HORMAD1: variants seen among roughly 807,000 people sequenced by gnomAD.
The protein encoded by HORMAD1 is HORMA domain containing 1.
Under a neutral mutation model 58.2 loss-of-function variants are expected in HORMAD1, and 33 were observed. The observed-to-expected ratio is 0.57, with a 90% CI of 0.43 to 0.76. The LOEUF is 0.76. Ranked by LOEUF, HORMAD1 falls within the 30% of genes least tolerant of loss-of-function variation. HORMAD1 has a pLI of 0.00. For missense variants in HORMAD1, 363 were observed against 462.0 expected, an observed-to-expected ratio of 0.79 and a Z score of 1.96; for synonymous variants, 137 against 144.6, an observed-to-expected ratio of 0.95 and a Z score of 0.38.
At chr1:150,704,900 C>T (rs903819433) in intron 10 of HORMAD1, among the ~76,000 whole-genome samples, 1 of 151,338 alleles carries the variant, frequency 6.6e-6, no homozygotes, top group Admixed American at 6.6e-5. Context: ...AAAATTAGCC[C>T]GGCGTGGTGG....
chr1:150,720,189 T>C (rs1652206935), intron 1 of HORMAD1, among the ~76,000 whole-genome samples: 1 of 152,126 alleles, frequency 6.6e-6, no homozygotes, highest in South Asian at 2.1e-4. Context: ...TTCTCCTGCC[T>C]GAGCCTCCTG....
chr1:150,698,527 A>G lies in HORMAD1; in HGVS notation c.*127T>C. 1 of 452,108 alleles carries G rather than the reference A, an allele frequency of 2.2e-6. No homozygotes were observed. The highest frequency in any genetic ancestry group is 3.5e-5 in the East Asian group (1 of 28,906). The allele number at this position is 452,108 out of a possible 1,614,324, so 28.0% of individuals were successfully genotyped here. A position where few individuals can be genotyped will look rare whatever the true frequency, so the allele number is the denominator to read the frequency against. On this transcript the variant is annotated 3_prime_UTR_variant, in exon 15 of 15. Coordinates refer to ENST00000361824, the MANE Select transcript of HORMAD1 (RefSeq NM_032132.5). ...ACCACAATATGACAGTCAGCCAAAA[A>G]CTTAGTTTTAGTGTACAAACTGCTT... is the stretch of plus-strand genomic sequence containing the variant.
chr1:150,720,703 C>A (rs1652224940), intron 1 of HORMAD1, 101 bp downstream of exon 1: 1 of 152,152 alleles, frequency 6.6e-6, no homozygotes, highest in Non-Finnish European at 1.5e-5. Flanking sequence ...ACCACTAAGA[C>A]CTTAAGAAAC....
chr1:150,707,726 A>G (rs889186560), intron 9 of HORMAD1, among the ~76,000 whole-genome samples: 1 of 152,198 alleles, frequency 6.6e-6, no homozygotes, highest in African/African-American at 2.4e-5. Flanking sequence ...ACTTGAGATC[A>G]GGAGTTCAAG....
intron 3 of HORMAD1, among the ~76,000 whole-genome samples, chr1:150,716,926 G>C (rs1354549592): frequency 2.2e-5 from 3 of 135,132 alleles, no homozygotes; most frequent in African/African-American, 8.4e-5. Context: ...TGGCACCACT[G>C]CACTCCAGCC....
chr1:150,701,398 G>A (rs1020765626), intron 13 of HORMAD1, among the ~76,000 whole-genome samples: 7 of 152,128 alleles, frequency 4.6e-5, no homozygotes, highest in Non-Finnish European at 8.8e-5. Context: ...ATTGAGAATA[G>A]GGGTGGGGGA....
rs760797343 is a variant in HORMAD1, at chr1:150,706,558, T to C, written c.799A>G (p.Thr267Ala). 6.9e-6 allele frequency: 11 copies of C among 1,603,944 alleles called. No homozygotes were observed. The highest frequency in any genetic ancestry group is 4.0e-5 in the African/African-American group (3 of 74,624). Residue 267 changes from threonine to alanine, a missense_variant, in exon 10 of 15, where the codon ACA becomes GCA. Thr to Ala is a moderately conservative substitution (Grantham distance 58). Around this residue, in one of 3 missense-constraint regions of HORMAD1, gnomAD observed 226 missense variants for 257.8 expected, o/e 0.88. Coordinates refer to ENST00000361824, the MANE Select transcript of HORMAD1 (RefSeq NM_032132.5). ...KDVEDEQEHY[T>A]SDDLDIETKM... ...AACTCTTGAAATACACTTACACTTG[T>C]ATAATGCTCCTGTTCATCTTCTACA... is the stretch of plus-strand genomic sequence containing the variant.
intron 14 of HORMAD1, chr1:150,699,000 C>A: frequency 3.8e-6 from 1 of 266,382 alleles, no homozygotes; most frequent in Non-Finnish European, 7.1e-6. Context: ...AACATTATGT[C>A]CTCAAAATAG....
chr1:150,703,425 C>T (rs587759397), intron 12 of HORMAD1, 32 bp from the exon 13 acceptor site: 613 of 1,216,402 alleles, frequency 5.0e-4, no homozygotes, highest in Non-Finnish European at 3.9e-4. Context: ...AAAAATATAA[C>T]TTAGTATAAT....
intron 1 of HORMAD1, among the ~76,000 whole-genome samples, chr1:150,720,496 G>T (rs1454198888): frequency 6.6e-6 from 1 of 151,996 alleles, no homozygotes. Flanking sequence ...CACTGTGTCC[G>T]GCCCCAGTTT....
At chr1:150,708,530 T>C in intron 8 of HORMAD1, 123 bp from the exon 9 acceptor site, 1 of 570,736 alleles carries the variant, frequency 1.8e-6, no homozygotes, top group Non-Finnish European at 2.9e-6. Flanking sequence ...ACTTGAAAGT[T>C]ACCATGTGTT....
At chr1:150,714,172 ATAGT>A (rs761063122) in intron 4 of HORMAD1, 51 bp from the exon 5 acceptor site, 1 of 1,120,156 alleles carries the variant, frequency 8.9e-7, no homozygotes, top group East Asian at 2.4e-5. Flanking sequence ...TTTCCAGAAA[ATAGT>A]TATTTTCATA....
chr1:150,717,254 G>A lies in HORMAD1; in HGVS notation c.62C>T (p.Ser21Leu). The change falls in exon 3 of 15, where the codon TCA (serine) becomes TTA (leucine). Residue 21 changes from serine (S) to leucine (L), a missense_variant. Ser to Leu is a moderately radical substitution (Grantham distance 145). This residue lies in a region of HORMAD1 where 128 missense variants were observed against 171.8 expected (regional missense o/e 0.74). Coordinates refer to ENST00000361824, the MANE Select transcript of HORMAD1 (RefSeq NM_032132.5). ...TAACACCAAAGACTGGTGTTCAGTT[G>A]ATATCTTATTGGGAAATACCAGTGC... Reference protein sequence around the residue: ...MSALVFPNKISTEHQSLVLVK... With the variant: ...MSALVFPNKILTEHQSLVLVK... 1 of 1,583,720 alleles carries A rather than the reference G, an allele frequency of 6.3e-7. No individual in the cohort carries two copies.
At chr1:150,702,380 T>C (rs1651563123) in intron 13 of HORMAD1, among the ~76,000 whole-genome samples, 1 of 152,198 alleles carries the variant, frequency 6.6e-6, no homozygotes, top group Non-Finnish European at 1.5e-5. Flanking sequence ...TTCAAAGATC[T>C]AGAACCAGAA....
intron 5 of HORMAD1, among the ~76,000 whole-genome samples, chr1:150,713,462 G>A (rs1019140693): frequency 2.0e-5 from 3 of 151,948 alleles, no homozygotes; most frequent in Non-Finnish European, 2.9e-5. Context: ...CGTGAACCTG[G>A]GAGGCGGAGC....
chr1:150,708,787 T>C, intron 8 of HORMAD1, 107 bp downstream of exon 8: 2 of 634,924 alleles, frequency 3.1e-6, no homozygotes, highest in South Asian at 2.1e-5. Flanking sequence ...TGATGGTTAA[T>C]TGGGGATGTC....
chr1:150,719,576 T>C, intron 1 of HORMAD1, 38 bp from the exon 2 acceptor site: 1 of 1,026,988 alleles, frequency 9.7e-7, no homozygotes, highest in Non-Finnish European at 1.4e-6. Flanking sequence ...TAGAGCTCAT[T>C]TTTTTCCTCT....
At chr1:150,707,673 C>T (rs947707707) in intron 9 of HORMAD1, among the ~76,000 whole-genome samples, 25 of 152,322 alleles carry the variant, frequency 1.6e-4, no homozygotes, top group African/African-American at 5.5e-4. Context: ...CTGTGGCTCA[C>T]GCCTGTTATT....
At chr1:150,714,879 G>A (rs116506169) in intron 3 of HORMAD1, among the ~76,000 whole-genome samples, 59 of 152,066 alleles carry the variant, frequency 3.9e-4, no homozygotes, top group Non-Finnish European at 7.1e-4. Context: ...TCTGCCTTCC[G>A]AGTTCAAGCC....
Sources: allele counts gnomAD v4.1 joint callset (sites outside exome capture counted in the v4.1 genomes callset), GRCh38; gene constraint gnomAD v4.1.1; regional missense constraint gnomAD v4.1.1; transcripts MANE v1.5; gene names NCBI Gene and HGNC (gene_info 2026-07-23, HGNC 2026-07-21).